Variants in FDFT1 observed in about 807,000 individuals in gnomAD.
FDFT1 encodes farnesyl-diphosphate farnesyltransferase 1.
FDFT1 carries 68 observed loss-of-function variants against 46.8 expected under a neutral mutation model. That is an observed-to-expected ratio of 1.45 (90% CI 1.19 to 1.78). The LOEUF is 1.78. Among genes scored for constraint, FDFT1 ranks in the 40% most tolerant of loss-of-function variants. The pLI is 0.00. For missense variants in FDFT1, 928 were observed against 524.4 expected (o/e 1.77, Z -7.52); for synonymous variants, 351 against 185.1 (o/e 1.90, Z -7.28).
In FDFT1 at chr8:11,809,712, A is replaced by C; in HGVS notation, c.243A>C (p.Thr81=). ...IFYLVLRALD[T]LEDDMTISVE... Reference sequence around the variant, plus strand: ...ATCTGGTTCTCCGAGCTCTGGACACACTGGAAGATGACATGACCATCAGTG... The same window carrying C: ...ATCTGGTTCTCCGAGCTCTGGACACCCTGGAAGATGACATGACCATCAGTG... Residue 81 remains threonine (T), a synonymous_variant, in exon 3 of 8, where the codon ACA becomes ACC. Coordinates refer to ENST00000220584, the MANE Select transcript of FDFT1 (RefSeq NM_004462.5). 6.2e-7 allele frequency: 1 copy of C among 1,614,174 alleles called. No individual in the cohort carries two copies.
At chr8:11,822,249 A>G (rs1419748863) in intron 4 of FDFT1, among the ~76,000 whole-genome samples, 1 of 151,990 alleles carries the variant, frequency 6.6e-6, no homozygotes, top group Non-Finnish European at 1.5e-5. Context: ...AAGTAAAGAC[A>G]TTTTATTTAT....
intron 4 of FDFT1, among the ~76,000 whole-genome samples, chr8:11,822,391 T>C (rs557762819): frequency 6.6e-6 from 1 of 152,364 alleles, no homozygotes; most frequent in Non-Finnish European, 1.5e-5. Flanking sequence ...ACTACGTTAG[T>C]GTAGGTCCAA....
Position 11,831,870 on chromosome 8 carries a change from C to T in FDFT1, c.1032+200C>T, listed in dbSNP as rs140728819. 1.3e-4 allele frequency: 68 copies of T among 530,452 alleles called. 1 individual carries two copies. Among genetic ancestry groups the T allele is most frequent in the African/African-American group, 1.1e-3 (58 of 52,860 alleles). 32.9% of individuals were successfully genotyped at this position (530,452 alleles called of 1,614,324 possible). ...AGATTGCTCACTGCTGTGTAGTACC[C>T]TGGTGAGAGGAGATAAATGGAGCAA... On this transcript the variant is annotated intron_variant, in intron 7 of 7. Transcript: ENST00000220584.
intron 1 of FDFT1, among the ~76,000 whole-genome samples, chr8:11,805,629 C>CCAA (rs1806737798): frequency 6.6e-6 from 1 of 152,182 alleles, no homozygotes. Flanking sequence ...CCACAACTTC[C>CCAA]CAACTCTAAG....
chr8:11,831,546 G>A lies in FDFT1; in HGVS notation c.908G>A (p.Cys303Tyr). Reference sequence around the variant, plus strand: ...ATGGCCATTGCCACTTTGGCTGCCTGTTATAATAACCAGCAGGTGTTCAAA... The same window carrying A: ...ATGGCCATTGCCACTTTGGCTGCCTATTATAATAACCAGCAGGTGTTCAAA... ...QVMAIATLAA[C>Y]YNNQQVFKGA... Residue 303 changes from cysteine (C) to tyrosine (Y), a missense_variant, in exon 7 of 8, where the codon TGT becomes TAT. Physicochemically the swap from Cys to Tyr is radical, Grantham distance 194. Transcript: ENST00000220584. 1 of 1,614,128 alleles carries A rather than the reference G, an allele frequency of 6.2e-7. No individual in the cohort carries two copies. The highest frequency in any genetic ancestry group is 8.5e-7 in the Non-Finnish European group (1 of 1,179,988).
At chr8:11,820,813 C>G (rs1809129636) in intron 3 of FDFT1, among the ~76,000 whole-genome samples, 1 of 152,236 alleles carries the variant, frequency 6.6e-6, no homozygotes, top group South Asian at 2.1e-4. Context: ...CCCCTGACCC[C>G]TTGCACTTCC....
rs1182950033 is a variant in FDFT1, at chr8:11,809,817, G to C, written c.348G>C (p.Glu116Asp). 2.5e-6 allele frequency: 4 copies of C among 1,614,062 alleles called. No homozygotes were observed. Among genetic ancestry groups the C allele is most frequent in the African/African-American group, 2.7e-5 (2 of 75,040 alleles). Residue 116 changes from glutamate (E) to aspartate (D), a missense_variant, in exon 3 of 8, where the codon GAG becomes GAC. Coordinates refer to ENST00000220584, the MANE Select transcript of FDFT1 (RefSeq NM_004462.5). ...ACTGGCGGTTCATGGAGAGCAAGGA[G>C]AAGGATCGCCAGGTGCTGGAGGACT... ...QPDWRFMESK[E>D]KDRQVLEDFP...
chr8:11,825,965 G>T, intron 4 of FDFT1, 59 bp from the exon 5 acceptor site: 1 of 1,241,090 alleles, frequency 8.1e-7, no homozygotes, highest in Non-Finnish European at 1.1e-6. Context: ...ATGATCTCTA[G>T]TGTGTCCATT....
chr8:11,808,869 C>T lies in FDFT1; in HGVS notation c.175C>T (p.Gln59Ter), dbSNP rs1221574442. Reference protein sequence around the residue: ...QTSRSFAAVIQALDGEMRNAV... With the variant: ...QTSRSFAAVI Reference sequence around the variant, plus strand: ...CAGTCGCAGTTTCGCAGCTGTTATCCAGGCGCTGGATGGGGAAATGCGGTG... The same window carrying T: ...CAGTCGCAGTTTCGCAGCTGTTATCTAGGCGCTGGATGGGGAAATGCGGTG... Residue 59 changes from glutamine to a stop codon, truncating the protein, a stop_gained, in exon 2 of 8, where the codon CAG (glutamine) becomes TAG (stop). Transcript: ENST00000220584. LOFTEE classifies it high-confidence loss of function. 1.2e-6 allele frequency: 2 copies of T among 1,613,940 alleles called. No individual in the cohort carries two copies.
At chr8:11,800,604 A>G (rs781379184), upstream of FDFT1, among the ~76,000 whole-genome samples, 5 of 152,252 alleles carry the variant, frequency 3.3e-5, no homozygotes, top group East Asian at 3.8e-4. Context: ...GAAGAGGAAC[A>G]GGCTATGACC....
chr8:11,823,641 C>CT (rs1809563662), intron 4 of FDFT1, among the ~76,000 whole-genome samples: 1 of 152,122 alleles, frequency 6.6e-6, no homozygotes, highest in South Asian at 2.1e-4. Context: ...GTGGCACAGA[C>CT]AAGGCAGCCT....
At chr8:11,819,461 T>C (rs1307474533) in intron 3 of FDFT1, among the ~76,000 whole-genome samples, 1 of 142,350 alleles carries the variant, frequency 7.0e-6, no homozygotes, top group African/African-American at 2.7e-5. Flanking sequence ...TTGGTTCCAT[T>C]CTGTCTATCA....
chr8:11,820,116 T>G (rs1001820526), intron 3 of FDFT1, among the ~76,000 whole-genome samples: 1 of 152,182 alleles, frequency 6.6e-6, no homozygotes, highest in Non-Finnish European at 1.5e-5. Flanking sequence ...TGCAGGTCTG[T>G]TGGAGTTGCT....
At chr8:11,811,070 T>C (rs1157287042) in intron 3 of FDFT1, among the ~76,000 whole-genome samples, 3 of 146,496 alleles carry the variant, frequency 2.0e-5, no homozygotes, top group Non-Finnish European at 4.5e-5. Context: ...GAGAAGAAAA[T>C]AGCTGAAGAA....
At chr8:11,820,984 C>T (rs770705284) in intron 3 of FDFT1, among the ~76,000 whole-genome samples, 1 of 152,240 alleles carries the variant, frequency 6.6e-6, no homozygotes, top group African/African-American at 2.4e-5. Context: ...AGAGCTGTTC[C>T]TACTGGGACA....
upstream of FDFT1, among the ~76,000 whole-genome samples, chr8:11,797,538 A>AAAGG (rs143594524): frequency 2.3e-3 from 1 of 442 alleles, no homozygotes; most frequent in East Asian, 0.5. Context: ...AAGAACAGAT[A>AAAGG]ATCACAGCTA....
intron 1 of FDFT1, chr8:11,803,904 T>C (rs975946756): frequency 6.6e-6 from 1 of 152,418 alleles, no homozygotes; most frequent in African/African-American, 2.4e-5. Context: ...TCAGTCTATT[T>C]GTAGAACATT....
chr8:11,830,469 G>GT, intron 6 of FDFT1, 49 bp downstream of exon 6: 1 of 1,359,374 alleles, frequency 7.4e-7, no homozygotes, highest in Non-Finnish European at 1.0e-6. Flanking sequence ...AGGGAGTGGG[G>GT]TAGGAGTAAG....
At chr8:11,805,591 G>T (rs1806732159) in intron 1 of FDFT1, among the ~76,000 whole-genome samples, 1 of 152,154 alleles carries the variant, frequency 6.6e-6, no homozygotes, top group Non-Finnish European at 1.5e-5. Flanking sequence ...TGTAAAATAG[G>T]GATGTATGTA....
Sources: gnomAD v4.1 joint callset for allele counts (sites outside exome capture counted in the v4.1 genomes callset) on GRCh38, gnomAD v4.1.1 for gene constraint, MANE v1.5 for transcripts, NCBI Gene and HGNC (gene_info 2026-07-23, HGNC 2026-07-21) for gene names.